Variants in DCC observed in about 807,000 individuals in gnomAD.
DCC encodes DCC netrin 1 receptor.
Under a neutral mutation model 172.5 loss-of-function variants are expected in DCC, and 58 were observed. The observed-to-expected ratio is 0.34, with a 90% CI of 0.27 to 0.42. The LOEUF is 0.42. DCC is among the 10% of genes least tolerant of loss of function. The pLI is 1.00. For synonymous variants in DCC, 709 were observed against 644.5 expected, an observed-to-expected ratio of 1.10 and a Z score of -1.52; for missense variants, 1,740 against 1,791.0, an observed-to-expected ratio of 0.97 and a Z score of 0.51.
At chr18:52,541,863 A>ATG (rs547611470) in intron 1 of DCC, among the ~76,000 whole-genome samples, 15,481 of 125,664 alleles carry the variant, frequency 0.12, 1,698 homozygotes, top group East Asian at 0.51. Context: ...AAAGTATATG[A>ATG]TGTGTGTGTG....
rs1419240203 is a variant in DCC, at chr18:52,578,730, G to A, written c.92-173324G>A. ...CAAAACAAAATTAGAGGCTGGGCAC[G>A]GTGGCTCATGCCTGTAATCCCAGAC... On this transcript the variant is annotated intron_variant, in intron 1 of 28. Coordinates refer to ENST00000442544, the MANE Select transcript of DCC (RefSeq NM_005215.4). 1.1e-4 allele frequency among the ~76,000 whole-genome samples: 16 copies of A among 152,290 alleles called. No individual in the cohort carries two copies. In the South Asian group the frequency reaches 1.2e-3, roughly 12 times the overall value.
intron 1 of DCC, among the ~76,000 whole-genome samples, chr18:52,742,590 A>G (rs2036839903): frequency 6.6e-6 from 1 of 152,228 alleles, no homozygotes; most frequent in African/African-American, 2.4e-5. Flanking sequence ...GCATTACAGT[A>G]AAAACAAAAT....
chr18:52,634,461 C>G (rs1013942309), intron 1 of DCC, among the ~76,000 whole-genome samples: 1 of 152,086 alleles, frequency 6.6e-6, no homozygotes, highest in African/African-American at 2.4e-5. Context: ...TCCTGGGGAG[C>G]ATACATCATA....
chr18:52,473,989 T>C lies in DCC; in HGVS notation c.91+133111T>C, dbSNP rs1430982496. Reference sequence around the variant, plus strand: ...AACTGCACTTATAGGCCACATTTCTTTTTTTTTACTGCTCCTTCTTCCAGG... The same window carrying C: ...AACTGCACTTATAGGCCACATTTCTCTTTTTTTACTGCTCCTTCTTCCAGG... On this transcript the variant is annotated intron_variant, in intron 1 of 28. Coordinates refer to ENST00000442544, the MANE Select transcript of DCC (RefSeq NM_005215.4). 2.0e-5 allele frequency among the ~76,000 whole-genome samples: 3 copies of C among 151,674 alleles called. No individual in the cohort carries two copies. The South Asian group carries it at 6.2e-4, about 32-fold the overall frequency.
At chr18:52,391,855 T>C (rs2144350926) in intron 1 of DCC, among the ~76,000 whole-genome samples, 1 of 152,272 alleles carries the variant, frequency 6.6e-6, no homozygotes, top group African/African-American at 2.4e-5. Flanking sequence ...ACGCTGCTTT[T>C]CTACCAAATC....
At chr18:52,640,970 A>G (rs2034878660) in intron 1 of DCC, among the ~76,000 whole-genome samples, 1 of 152,198 alleles carries the variant, frequency 6.6e-6, no homozygotes, top group African/African-American at 2.4e-5. Flanking sequence ...AAACTATACA[A>G]TAAGGCCATA....
At chr18:52,645,449 T>A (rs1402524782) in intron 1 of DCC, among the ~76,000 whole-genome samples, 1 of 152,336 alleles carries the variant, frequency 6.6e-6, no homozygotes, top group Non-Finnish European at 1.5e-5. Flanking sequence ...CTTTTAGTTA[T>A]CTCTCAAAAA....
intron 7 of DCC, among the ~76,000 whole-genome samples, chr18:53,108,316 G>A (rs929649274): frequency 6.6e-6 from 1 of 151,710 alleles, no homozygotes; most frequent in African/African-American, 2.4e-5. Context: ...CACACCAAAG[G>A]AAGACACTGT....
At chr18:53,242,885 TG>T (rs2056318999) in intron 12 of DCC, among the ~76,000 whole-genome samples, 1 of 151,698 alleles carries the variant, frequency 6.6e-6, no homozygotes, top group Non-Finnish European at 1.5e-5. Flanking sequence ...TGTGTGTGTG[TG>T]TGTGTGTGTG....
intron 1 of DCC, among the ~76,000 whole-genome samples, chr18:52,503,070 T>C (rs1253002331): frequency 6.6e-6 from 1 of 152,154 alleles, no homozygotes; most frequent in East Asian, 1.9e-4. Flanking sequence ...TCAAATCAAA[T>C]CACAGAGGAT....
intron 2 of DCC, among the ~76,000 whole-genome samples, chr18:52,879,941 G>GT (rs2039459137): frequency 6.6e-6 from 1 of 152,122 alleles, no homozygotes; most frequent in South Asian, 2.1e-4. Context: ...TGCATGAGGT[G>GT]TTTTGATACA....
intron 2 of DCC, among the ~76,000 whole-genome samples, chr18:52,763,816 T>G (rs2037200190): frequency 2.0e-5 from 3 of 152,176 alleles, no homozygotes; most frequent in Admixed American, 2.0e-4. Context: ...TAAATGAGAT[T>G]ATCTGATTAT....
At chr18:53,240,777 C>G (rs777843060) in intron 12 of DCC, among the ~76,000 whole-genome samples, 2 of 152,116 alleles carry the variant, frequency 1.3e-5, no homozygotes, top group Non-Finnish European at 2.9e-5. Context: ...CCATTTTTCT[C>G]TGAGGCTATG....
chr18:53,020,834 G>T (rs1367486780), intron 5 of DCC, among the ~76,000 whole-genome samples: 1 of 152,066 alleles, frequency 6.6e-6, no homozygotes, highest in Non-Finnish European at 1.5e-5. Flanking sequence ...TAAATGAGGG[G>T]GAAAAATTTA....
intron 8 of DCC, among the ~76,000 whole-genome samples, chr18:53,158,650 C>T (rs188757032): frequency 1.3e-5 from 2 of 152,036 alleles, no homozygotes; most frequent in African/African-American, 4.8e-5. Flanking sequence ...TCAAGTTTAG[C>T]CTTTTAAAGT....
chr18:53,263,633 G>A (rs1432961854), intron 12 of DCC, among the ~76,000 whole-genome samples: 2 of 151,970 alleles, frequency 1.3e-5, no homozygotes, highest in Non-Finnish European at 2.9e-5. Flanking sequence ...AACACACAAT[G>A]TTTTCTCCAA....
In DCC at chr18:53,281,785, C is replaced by T. The variant is rs559422564; in HGVS notation, c.1912-23793C>T. ...GGATTTTTTTTTTTTTTTTTTTTTGCCTGAGAGGCACTTTGCCAGTATACC... is the reference window on the plus strand; with the variant it reads ...GGATTTTTTTTTTTTTTTTTTTTTGTCTGAGAGGCACTTTGCCAGTATACC... On this transcript the variant is annotated intron_variant, in intron 12 of 28. Transcript: ENST00000442544. 2.4e-3 allele frequency among the ~76,000 whole-genome samples: 273 copies of T among 115,298 alleles called. 1 individual carries two copies. The highest frequency in any genetic ancestry group is 3.5e-3 in the Non-Finnish European group (205 of 59,348). The allele number at this position is 115,298 out of a possible 152,430, so 75.6% of individuals were successfully genotyped here. A position where few individuals can be genotyped will look rare whatever the true frequency, so the allele number is the denominator to read the frequency against.
chr18:53,068,389 A>G (rs1241143965), intron 7 of DCC, among the ~76,000 whole-genome samples: 3 of 150,448 alleles, frequency 2.0e-5, no homozygotes, highest in South Asian at 2.1e-4. Context: ...CATTAGATGT[A>G]TCTCCTAATG....
intron 5 of DCC, among the ~76,000 whole-genome samples, chr18:53,041,495 C>G (rs1244224746): frequency 6.6e-6 from 1 of 151,846 alleles, no homozygotes; most frequent in African/African-American, 2.4e-5. Context: ...CTTGGCTATC[C>G]AGGTTTTTTT....
Sources: gnomAD v4.1 joint callset for allele counts (sites outside exome capture counted in the v4.1 genomes callset) on GRCh38, gnomAD v4.1.1 for gene constraint, MANE v1.5 for transcripts, NCBI Gene and HGNC (gene_info 2026-07-23, HGNC 2026-07-21) for gene names.